The following SAMD3 variants were observed in gnomAD, a reference collection of about 807,000 sequenced individuals.
The protein encoded by SAMD3 is sterile alpha motif domain-containing protein 3.
A neutral mutation model predicts 58.5 loss-of-function variants in SAMD3; 63 were observed. The observed-to-expected ratio is 1.08, with a 90% CI of 0.88 to 1.33. The LOEUF (loss-of-function observed/expected upper bound fraction) is 1.33. SAMD3 is among the 40% of genes most tolerant of loss of function. The pLI is 0.00. For synonymous variants in SAMD3, 220 were observed against 210.3 expected (o/e 1.05, Z -0.40); for missense variants, 604 against 608.4 (o/e 0.99, Z 0.08).
intron 1 of SAMD3, among the ~76,000 whole-genome samples, chr6:130,323,605 C>T (rs1177784826): frequency 6.6e-6 from 1 of 151,918 alleles, no homozygotes; most frequent in African/African-American, 2.4e-5. Flanking sequence ...GAGTTCAAGA[C>T]CAGCCTGGCC....
intron 1 of SAMD3, among the ~76,000 whole-genome samples, chr6:130,317,407 T>C (rs1223151119): frequency 6.6e-6 from 1 of 152,222 alleles, no homozygotes; most frequent in East Asian, 1.9e-4. Flanking sequence ...TAGAAATGCA[T>C]GTATTTTATT....
At chr6:130,143,672 G>GTCTA (rs1413927144), downstream of SAMD3, 1 of 152,134 alleles carries the variant, frequency 6.6e-6, no homozygotes, top group Non-Finnish European at 1.5e-5. Context: ...AAAGGCCCTG[G>GTCTA]TCTATCTTCC....
At chr6:130,154,766 ATGTG>A in intron 9 of SAMD3, 55 bp downstream of exon 9, 2 of 635,436 alleles carry the variant, frequency 3.1e-6, no homozygotes, top group Non-Finnish European at 5.0e-6. Context: ...ATATTAAAAT[ATGTG>A]TGTGTGTGTA....
chr6:130,337,716 G>A (rs1777146079), intron 1 of SAMD3, among the ~76,000 whole-genome samples: 1 of 152,198 alleles, frequency 6.6e-6, no homozygotes, highest in African/African-American at 2.4e-5. Context: ...GGAACTTACT[G>A]GGAACTGGAG....
At chr6:130,251,067 T>A (rs1773721854) in intron 2 of SAMD3, among the ~76,000 whole-genome samples, 1 of 152,212 alleles carries the variant, frequency 6.6e-6, no homozygotes, top group Non-Finnish European at 1.5e-5. Context: ...GAATGCAGGT[T>A]TGAATTTCTC....
Position 130,303,761 on chromosome 6 carries a change from A to G in SAMD3, c.-188+9217T>C, listed in dbSNP as rs151319440. Among the ~76,000 whole-genome samples the G allele has an allele frequency of 5.3e-5, 8 of 152,286 alleles. No homozygotes were observed. In the South Asian group the frequency reaches 1.4e-3, roughly 28 times the overall value. On this transcript the variant is annotated intron_variant, in intron 2 of 13. Transcript: ENST00000368134. Reference sequence around the variant, plus strand: ...CTTAACTCCTGTCCCAGTTTTCACTATTGCACCTATATGCACTTTATTGGC... The same window carrying G: ...CTTAACTCCTGTCCCAGTTTTCACTGTTGCACCTATATGCACTTTATTGGC...
chr6:130,341,168 A>AG (rs1777259322), intron 1 of SAMD3, among the ~76,000 whole-genome samples: 1 of 151,478 alleles, frequency 6.6e-6, no homozygotes, highest in African/African-American at 2.4e-5. Context: ...AGAGGGAGGG[A>AG]GGAAGGAAGG....
At position 130,348,370 on chromosome 6, in the gene SAMD3, G is replaced by A. The variant is rs191472359; in HGVS notation, c.-304+16750C>T. ...GAGACACACATAGGCTCAAAATAAA[G>A]GGATGGAGGAAGATCTACCAAGCAA... On this transcript the variant is annotated intron_variant, in intron 1 of 13. Coordinates refer to the SAMD3 transcript ENST00000368134. Among the ~76,000 whole-genome samples, 119 of 152,218 alleles carry A rather than the reference G, an allele frequency of 7.8e-4. 1 individual carries two copies. In the East Asian group the frequency reaches 0.019, roughly 24 times the overall value.
At chr6:130,209,077 C>G (rs1474890732) in intron 5 of SAMD3, among the ~76,000 whole-genome samples, 2 of 152,110 alleles carry the variant, frequency 1.3e-5, no homozygotes, top group Non-Finnish European at 2.9e-5. Context: ...GAATATAAAG[C>G]AAATGCTTAC....
intron 2 of SAMD3, among the ~76,000 whole-genome samples, chr6:130,287,157 C>A (rs1179898992): frequency 2.0e-5 from 3 of 152,170 alleles, no homozygotes; most frequent in Non-Finnish European, 2.9e-5. Context: ...ATGTACTTTG[C>A]TGTAATGATC....
intron 1 of SAMD3, among the ~76,000 whole-genome samples, chr6:130,353,251 G>A (rs1275775831): frequency 6.6e-6 from 1 of 152,158 alleles, no homozygotes; most frequent in Admixed American, 6.5e-5. Flanking sequence ...GCATTTTGGA[G>A]TTGTTTAATA....
intron 2 of SAMD3, 190 bp from the exon 3 acceptor site, chr6:130,215,484 G>T: frequency 7.5e-7 from 1 of 1,337,836 alleles, no homozygotes; most frequent in Non-Finnish European, 9.5e-7. Flanking sequence ...TTAAAAATAA[G>T]ACCTGATTTA....
At chr6:130,222,395 G>A (rs564277923) in intron 1 of SAMD3, among the ~76,000 whole-genome samples, 56 of 152,190 alleles carry the variant, frequency 3.7e-4, no homozygotes, top group African/African-American at 1.3e-3. Context: ...ATCAAAAATT[G>A]TATCTAGACA....
chr6:130,195,762 C>T (rs917684480), intron 5 of SAMD3, among the ~76,000 whole-genome samples: 1 of 152,182 alleles, frequency 6.6e-6, no homozygotes. Flanking sequence ...TCATCTGTTA[C>T]CTGTCTCAGC....
At chr6:130,196,989 T>C (rs1445430277) in intron 5 of SAMD3, among the ~76,000 whole-genome samples, 1 of 152,156 alleles carries the variant, frequency 6.6e-6, no homozygotes, top group Non-Finnish European at 1.5e-5. Context: ...TAGTATTCAG[T>C]GAAACCTTTA....
At position 130,326,650 on chromosome 6, in the gene SAMD3, G is replaced by C. The variant is rs563226904; in HGVS notation, c.-303-13557C>G. Among the ~76,000 whole-genome samples, 3 of 152,204 alleles carry C rather than the reference G, an allele frequency of 2.0e-5. No homozygotes were observed. In the East Asian group the frequency reaches 5.8e-4, roughly 29 times the overall value. ...AGGCAGTCCATAAATATTTGTACTT[G>C]TTTTTTCTTTTTGTGGAATGAACAA... On this transcript the variant is annotated intron_variant, in intron 1 of 13. Transcript: ENST00000368134.
intron 1 of SAMD3, among the ~76,000 whole-genome samples, chr6:130,340,068 A>G (rs2115022359): frequency 6.6e-6 from 1 of 152,336 alleles, no homozygotes; most frequent in African/African-American, 2.4e-5. Flanking sequence ...GTTAGGGACC[A>G]TGACTTACAT....
In SAMD3 at chr6:130,184,202, A is replaced by G; in HGVS notation, c.570-15T>C. On this transcript the variant is annotated splice_polypyrimidine_tract_variant and intron_variant, in intron 6 of 11. Transcript: ENST00000439090. ...TGCTGGGGTACCTGTTCACCAAAACAAGGAGGATATGTTTCACTTCAAGCA... is the reference window on the plus strand; with the variant it reads ...TGCTGGGGTACCTGTTCACCAAAACGAGGAGGATATGTTTCACTTCAAGCA... 6.3e-7 allele frequency: 1 copy of G among 1,594,646 alleles called. No individual in the cohort carries two copies. Among genetic ancestry groups the G allele is most frequent in the Non-Finnish European group, 8.6e-7 (1 of 1,166,662 alleles).
intron 7 of SAMD3, among the ~76,000 whole-genome samples, chr6:130,177,709 C>G (rs1791861059): frequency 6.6e-6 from 1 of 152,100 alleles, no homozygotes; most frequent in Non-Finnish European, 1.5e-5. Flanking sequence ...TTTTTCTTTT[C>G]TTTTCCTTTC....
Sources: allele counts gnomAD v4.1 joint callset (sites outside exome capture counted in the v4.1 genomes callset), GRCh38; gene constraint gnomAD v4.1.1; transcripts MANE v1.5; gene names NCBI Gene and HGNC (gene_info 2026-07-23, HGNC 2026-07-21).